Variants in SGO1 observed in about 807,000 individuals in gnomAD.
SGO1 encodes the protein shugoshin 1.
SGO1 carries 39 observed loss-of-function variants against 50.5 expected under a neutral mutation model. That is an observed-to-expected ratio of 0.77 (90% CI 0.60 to 1.01). The LOEUF is 1.01. SGO1 is among the 50% of genes least tolerant of loss of function. SGO1 has a pLI of 0.00. For missense variants in SGO1, 638 were observed against 606.0 expected, an observed-to-expected ratio of 1.05 and a Z score of -0.55; for synonymous variants, 191 against 205.1, an observed-to-expected ratio of 0.93 and a Z score of 0.59.
Position 20,183,948 on chromosome 3 carries a change from T to C in SGO1, c.80A>G (p.Asn27Ser), listed in dbSNP as rs1575260900. Residue 27 changes from asparagine to serine, a missense_variant, in exon 2 of 8, where the codon AAT (asparagine) becomes AGT (serine). Transcript: ENST00000412997. Reference sequence around the variant, plus strand: ...TTTGCCAATCTCTGCCAAGTTTTTATTCCTTTTCTCTTTCATTCGCTTCTT... The same window carrying C: ...TTTGCCAATCTCTGCCAAGTTTTTACTCCTTTTCTCTTTCATTCGCTTCTT... ...DIKKRMKEKR[N>S]KNLAEIGKRR... The C allele has an allele frequency of 6.2e-7, 1 of 1,612,846 alleles. No homozygotes were observed. The highest frequency in any genetic ancestry group is 8.5e-7 in the Non-Finnish European group (1 of 1,179,678).
At chr3:20,168,961 G>A (rs1339388372), downstream of SGO1, 4 of 984,998 alleles carry the variant, frequency 4.1e-6, no homozygotes, top group Non-Finnish European at 4.8e-6. Flanking sequence ...TTAATGGTCT[G>A]TAGTCTTAGT....
At chr3:20,161,486 A>G (rs1216736594) in intron 8 of SGO1, among the ~76,000 whole-genome samples, 1 of 152,230 alleles carries the variant, frequency 6.6e-6, no homozygotes, top group Admixed American at 6.5e-5. Flanking sequence ...AGTGAACTGG[A>G]AGATAGAACT....
rs376396427 is a variant in SGO1 at position 20,175,620 on chromosome 3, C to A, written c.476-565G>T. ...GACCATCCTGGCTAACACAGTGAAA[C>A]CCCGTCTCTACTAAAAAAAATACAA... On this transcript the variant is annotated intron_variant, in intron 5 of 7. Coordinates refer to ENST00000412997, the MANE Select transcript of SGO1 (RefSeq NM_001199251.3). Among the ~76,000 whole-genome samples the A allele has an allele frequency of 3.5e-4, 40 of 115,714 alleles. No homozygotes were observed. In the East Asian group the frequency reaches 9.3e-3, roughly 27 times the overall value. 75.9% of individuals were successfully genotyped at this position (115,714 alleles called of 152,430 possible). A position where few individuals can be genotyped will look rare whatever the true frequency, so the allele number is the denominator to read the frequency against.
Position 20,169,751 on chromosome 3 carries a change from C to T in SGO1, c.*953G>A, listed in dbSNP as rs17627936. 150,442 of 927,254 alleles carry T rather than the reference C, an allele frequency of 0.16. 12,914 individuals are homozygous for T. The highest frequency in any genetic ancestry group is 0.18 in the Admixed American group (2,840 of 16,200). 57.4% of individuals were successfully genotyped at this position (927,254 alleles called of 1,614,324 possible). The stretch of plus-strand genomic sequence containing the variant: ...ACATACAATTAGAGCTTGGGGTTCA[C>T]AATTAGTCACTTATCTTGTCCCTGA... On this transcript the variant is annotated 3_prime_UTR_variant, in exon 8 of 8. Coordinates refer to ENST00000412997, the MANE Select transcript of SGO1 (RefSeq NM_001199251.3).
At chr3:20,178,207 AAATG>A in intron 4 of SGO1, 60 bp downstream of exon 4, 1 of 1,170,498 alleles carries the variant, frequency 8.5e-7, no homozygotes, top group Non-Finnish European at 1.3e-6. Flanking sequence ...TTCCTTTCAT[AAATG>A]AATCACAGAA....
chr3:20,164,069 A>G (rs1354112984), intron 8 of SGO1, among the ~76,000 whole-genome samples: 1 of 152,188 alleles, frequency 6.6e-6, no homozygotes, highest in African/African-American at 2.4e-5. Context: ...AGACTTGTGA[A>G]CCCCTTTTAT....
chr3:20,163,356 C>G (rs1451012476), intron 8 of SGO1, among the ~76,000 whole-genome samples: 1 of 152,048 alleles, frequency 6.6e-6, no homozygotes, highest in African/African-American at 2.4e-5. Flanking sequence ...AATATAAAAA[C>G]TTTTCTTGGA....
intron 6 of SGO1, among the ~76,000 whole-genome samples, chr3:20,172,260 G>C (rs1700819394): frequency 6.6e-6 from 1 of 152,206 alleles, no homozygotes; most frequent in Non-Finnish European, 1.5e-5. Context: ...CCAGCACTTA[G>C]GGAGGCCGAG....
At chr3:20,167,144 AT>A (rs2125240713), downstream of SGO1, among the ~76,000 whole-genome samples, 2 of 152,350 alleles carry the variant, frequency 1.3e-5, no homozygotes, top group East Asian at 3.9e-4. Context: ...AGCCCATTCT[AT>A]GACAAAGCTA....
intron 8 of SGO1, among the ~76,000 whole-genome samples, chr3:20,162,037 C>T (rs1485947791): frequency 6.6e-6 from 1 of 152,064 alleles, no homozygotes; most frequent in Non-Finnish European, 1.5e-5. Context: ...ATCCAGAGTC[C>T]AGTAATATCA....
intron 4 of SGO1, among the ~76,000 whole-genome samples, chr3:20,177,670 T>C (rs1173763142): frequency 2.6e-5 from 4 of 152,238 alleles, no homozygotes; most frequent in Non-Finnish European, 5.9e-5. Context: ...TATGTCTTCA[T>C]TGAAATTTTA....
intron 5 of SGO1, 31 bp downstream of exon 5, chr3:20,176,570 A>C (rs754816195): frequency 7.3e-7 from 1 of 1,371,024 alleles, no homozygotes. Context: ...TTTTGCCCTT[A>C]ATAATATTTT....
downstream of SGO1, among the ~76,000 whole-genome samples, chr3:20,165,302 A>G (rs1266626866): frequency 6.6e-6 from 1 of 152,192 alleles, no homozygotes; most frequent in Middle Eastern, 3.2e-3. Flanking sequence ...CAGTGAGGGC[A>G]TTAATTCATT....
chr3:20,176,062 C>T (rs373215936), intron 5 of SGO1, among the ~76,000 whole-genome samples: 10 of 152,140 alleles, frequency 6.6e-5, no homozygotes, highest in East Asian at 1.9e-4. Context: ...ATCCTTCCTT[C>T]GACGTCTGGT....
rs1419490431 is a variant in SGO1 at position 20,176,624 on chromosome 3, T to C, written c.452A>G (p.Gln151Arg). 1.3e-6 allele frequency: 2 copies of C among 1,567,356 alleles called. No homozygotes were observed. The highest frequency in any genetic ancestry group is 4.7e-5 in the East Asian group (2 of 42,792). ...ACCTTCTATTTGAAATGATTCTCCT[T>C]GTCCTGGAAGTTCAGTTTCTTCAAG... Reference protein sequence around the residue: ...IPLEETELPGQGESFQIEDQI... With the variant: ...IPLEETELPGRGESFQIEDQI... Residue 151 changes from glutamine (Q) to arginine (R), a missense_variant, in exon 5 of 8, where the codon CAA becomes CGA. By Grantham distance (43) the Gln-to-Arg change is conservative. Coordinates refer to ENST00000412997, the MANE Select transcript of SGO1 (RefSeq NM_001199251.3).
At chr3:20,176,046 A>G (rs1006835434) in intron 5 of SGO1, among the ~76,000 whole-genome samples, 1 of 152,192 alleles carries the variant, frequency 6.6e-6, no homozygotes, top group Non-Finnish European at 1.5e-5. Context: ...TGCTTATTCA[A>G]ATACTATCCT....
downstream of SGO1, chr3:20,169,371 C>A (rs761698156): frequency 1.9e-4 from 188 of 984,588 alleles, no homozygotes; most frequent in Non-Finnish European, 2.2e-4. Context: ...ACACCCCCCC[C>A]TCAAAAAAGA....
At chr3:20,185,920 C>A (rs539125296) in intron 1 of SGO1, 28 bp downstream of exon 1, 1 of 152,308 alleles carries the variant, frequency 6.6e-6, no homozygotes, top group South Asian at 2.1e-4. Context: ...GGAAGTCAAA[C>A]AGGGATCACT....
chr3:20,175,164 G>T, intron 5 of SGO1, 109 bp from the exon 6 acceptor site: 1 of 1,111,054 alleles, frequency 9.0e-7, no homozygotes, highest in South Asian at 2.9e-5. Context: ...AGGTCATTCT[G>T]TAGTTTTCCT....
Sources: allele counts gnomAD v4.1 joint callset (sites outside exome capture counted in the v4.1 genomes callset), GRCh38; gene constraint gnomAD v4.1.1; transcripts MANE v1.5; gene names NCBI Gene and HGNC (gene_info 2026-07-23, HGNC 2026-07-21).